The following FNDC3B variants were observed in gnomAD, a reference collection of about 807,000 sequenced individuals.
The protein encoded by FNDC3B is fibronectin type III domain containing 3B, also known as fibronectin type III domain-containing protein 3B.
Under a neutral mutation model 151.5 loss-of-function variants are expected in FNDC3B, and 12 were observed. That is an observed-to-expected ratio of 0.08 (90% CI 0.05 to 0.13). The LOEUF (loss-of-function observed/expected upper bound fraction) is 0.13. Ranked by LOEUF, FNDC3B falls within the 10% of genes least tolerant of loss-of-function variation. The pLI, the probability that FNDC3B is intolerant of heterozygous loss-of-function variation, is 1.00. For missense variants in FNDC3B, 1,214 were observed against 1,505.3 expected (o/e 0.81, Z 3.20); for synonymous variants, 528 against 549.0 (o/e 0.96, Z 0.54).
At chr3:172,093,381 C>A (rs1718938048) in intron 1 of FNDC3B, among the ~76,000 whole-genome samples, 1 of 151,932 alleles carries the variant, frequency 6.6e-6, no homozygotes, top group African/African-American at 2.4e-5. Context: ...GCCTCAGCCT[C>A]CCGAGTAGCT....
chr3:172,330,257 T>C, intron 12 of FNDC3B: 1 of 282,934 alleles, frequency 3.5e-6, no homozygotes, highest in South Asian at 8.9e-5. Flanking sequence ...TGCCCACACG[T>C]CACTTCATTC....
intron 1 of FNDC3B, among the ~76,000 whole-genome samples, chr3:172,093,599 G>T (rs1718955160): frequency 6.6e-6 from 1 of 151,906 alleles, no homozygotes; most frequent in Non-Finnish European, 1.5e-5. Context: ...GTCTCTTACT[G>T]TGTCGCCCAG....
intron 25 of FNDC3B, among the ~76,000 whole-genome samples, chr3:172,386,939 C>A (rs1735745242): frequency 6.6e-6 from 1 of 151,862 alleles, no homozygotes; most frequent in Admixed American, 6.6e-5. Flanking sequence ...TTCTCTTGAC[C>A]AAACTATTTT....
intron 3 of FNDC3B, among the ~76,000 whole-genome samples, chr3:172,138,997 A>C (rs1485712622): frequency 6.6e-6 from 1 of 152,172 alleles, no homozygotes; most frequent in Non-Finnish European, 1.5e-5. Context: ...GTTGATGAAC[A>C]TCATGCTCTG....
At chr3:172,062,046 G>A (rs902288681) in intron 1 of FNDC3B, among the ~76,000 whole-genome samples, 3 of 152,070 alleles carry the variant, frequency 2.0e-5, no homozygotes, top group Non-Finnish European at 4.4e-5. Flanking sequence ...AATCATGCTG[G>A]TGCTGAGGTT....
At chr3:172,234,316 C>A (rs1482789977) in intron 4 of FNDC3B, among the ~76,000 whole-genome samples, 1 of 152,164 alleles carries the variant, frequency 6.6e-6, no homozygotes, top group African/African-American at 2.4e-5. Context: ...AGGCAGGGAC[C>A]TTGTGTGTCC....
chr3:172,319,721 T>G (rs1312277463), intron 11 of FNDC3B, among the ~76,000 whole-genome samples: 2 of 152,220 alleles, frequency 1.3e-5, no homozygotes, highest in African/African-American at 2.4e-5. Context: ...TATATGGTTA[T>G]GCTGAACACA....
At chr3:172,345,307 A>C (rs1733548572) in intron 19 of FNDC3B, among the ~76,000 whole-genome samples, 1 of 152,230 alleles carries the variant, frequency 6.6e-6, no homozygotes, top group Admixed American at 6.5e-5. Context: ...GATAGTGATG[A>C]GCACACTGTT....
chr3:172,256,751 A>G (rs1169316251), intron 6 of FNDC3B, among the ~76,000 whole-genome samples: 1 of 152,204 alleles, frequency 6.6e-6, no homozygotes, highest in African/African-American at 2.4e-5. Flanking sequence ...TTATCTGCTA[A>G]TATTGTTATA....
chr3:172,161,992 G>A (rs1206330538), intron 3 of FNDC3B, among the ~76,000 whole-genome samples: 16 of 148,540 alleles, frequency 1.1e-4, no homozygotes, highest in Admixed American at 6.0e-4. Flanking sequence ...TTTTTTTTGG[G>A]GGGGGACAGA....
intron 1 of FNDC3B, among the ~76,000 whole-genome samples, chr3:172,099,141 T>C (rs544426720): frequency 6.6e-6 from 1 of 152,348 alleles, no homozygotes. Flanking sequence ...GGGAAGTCTC[T>C]CATCTGTTTG....
At chr3:172,106,753 C>A (rs1274744896) in intron 1 of FNDC3B, among the ~76,000 whole-genome samples, 16 of 152,230 alleles carry the variant, frequency 1.1e-4, no homozygotes, top group Non-Finnish European at 1.5e-5. Context: ...TTCTGCGAAT[C>A]GTTGTTTTTC....
intron 1 of FNDC3B, among the ~76,000 whole-genome samples, chr3:172,062,243 T>G (rs983824029): frequency 9.2e-5 from 14 of 152,246 alleles, no homozygotes; most frequent in Admixed American, 2.0e-4. Context: ...GTTGGGAATT[T>G]GCCTCCTTTC....
chr3:172,066,100 G>A (rs142675106), intron 1 of FNDC3B, among the ~76,000 whole-genome samples: 266 of 152,290 alleles, frequency 1.7e-3, no homozygotes, highest in Admixed American at 4.4e-3. Flanking sequence ...CATTTGGGTT[G>A]CGTTTGCTTG....
chr3:172,226,602 A>T (rs1399144802), intron 3 of FNDC3B, among the ~76,000 whole-genome samples: 1 of 152,210 alleles, frequency 6.6e-6, no homozygotes, highest in Non-Finnish European at 1.5e-5. Flanking sequence ...ATCTTGGTTT[A>T]TGGAACTTGA....
chr3:172,072,069 T>C (rs1290786970), intron 1 of FNDC3B, among the ~76,000 whole-genome samples: 1 of 150,658 alleles, frequency 6.6e-6, no homozygotes, highest in Non-Finnish European at 1.5e-5. Flanking sequence ...TCCTTCATTT[T>C]CTTCAATGAA....
intron 25 of FNDC3B, among the ~76,000 whole-genome samples, chr3:172,385,396 T>C (rs1321366259): frequency 6.6e-6 from 1 of 152,150 alleles, no homozygotes; most frequent in East Asian, 1.9e-4. Flanking sequence ...TTTCCAGTAC[T>C]GGCATATAGT....
intron 4 of FNDC3B, among the ~76,000 whole-genome samples, chr3:172,245,055 T>C (rs1328627268): frequency 6.6e-6 from 1 of 152,176 alleles, no homozygotes; most frequent in East Asian, 1.9e-4. Flanking sequence ...TCCCACAGAA[T>C]AAGATACTTT....
intron 3 of FNDC3B, among the ~76,000 whole-genome samples, chr3:172,191,970 CG>C (rs1724532856): frequency 1.3e-5 from 2 of 152,086 alleles, no homozygotes; most frequent in East Asian, 1.9e-4. Context: ...GAAGTGTGGT[CG>C]GGGTGGTACA....
Sources: gnomAD v4.1 joint callset for allele counts (sites outside exome capture counted in the v4.1 genomes callset) on GRCh38, gnomAD v4.1.1 for gene constraint, MANE v1.5 for transcripts, NCBI Gene and HGNC (gene_info 2026-07-23, HGNC 2026-07-21) for gene names.